SLC24A3: variants seen among roughly 807,000 people sequenced by gnomAD.
SLC24A3 encodes the protein solute carrier family 24 member 3, also known as sodium/potassium/calcium exchanger 3.
A neutral mutation model predicts 75.8 loss-of-function variants in SLC24A3; 28 were observed. That is an observed-to-expected ratio of 0.37 (90% confidence interval 0.27 to 0.51). The LOEUF is 0.51. SLC24A3 is among the 20% of genes least tolerant of loss of function. The pLI, the probability that SLC24A3 is intolerant of heterozygous loss-of-function variation, is 0.94. For missense variants in SLC24A3, 663 were observed against 847.8 expected (o/e 0.78, Z 2.71); for synonymous variants, 372 against 334.1 (o/e 1.11, Z -1.24).
chr20:19,489,293 T>C (rs1988173010), intron 2 of SLC24A3, among the ~76,000 whole-genome samples: 1 of 152,190 alleles, frequency 6.6e-6, no homozygotes, highest in South Asian at 2.1e-4. Flanking sequence ...ATATTCTCAG[T>C]GTATGTGGGT....
chr20:19,612,090 C>A (rs1245510901), intron 6 of SLC24A3, among the ~76,000 whole-genome samples: 1 of 152,160 alleles, frequency 6.6e-6, no homozygotes, highest in South Asian at 2.1e-4. Context: ...GCTAGCCACC[C>A]GTCCCTAGTT....
intron 2 of SLC24A3, among the ~76,000 whole-genome samples, chr20:19,494,979 C>A (rs187309474): frequency 7.4e-4 from 113 of 152,242 alleles, no homozygotes; most frequent in African/African-American, 2.5e-3. Flanking sequence ...GGAAAGGAGG[C>A]AACAAAGGAG....
chr20:19,334,972 C>T (rs1267352893), intron 2 of SLC24A3, among the ~76,000 whole-genome samples: 5 of 152,280 alleles, frequency 3.3e-5, no homozygotes, highest in African/African-American at 1.2e-4. Context: ...GAGATAGGCA[C>T]AGAGCACTGC....
intron 6 of SLC24A3, among the ~76,000 whole-genome samples, chr20:19,599,698 G>A (rs1464431505): frequency 6.6e-6 from 1 of 152,106 alleles, no homozygotes; most frequent in Non-Finnish European, 1.5e-5. Flanking sequence ...ATGTGGTGTG[G>A]GACTAAATGG....
At chr20:19,577,257 A>G (rs2031151619) in intron 3 of SLC24A3, among the ~76,000 whole-genome samples, 1 of 152,046 alleles carries the variant, frequency 6.6e-6, no homozygotes, top group Admixed American at 6.6e-5. Context: ...GGGTTTCACC[A>G]TGTTAGCCAG....
intron 4 of SLC24A3, among the ~76,000 whole-genome samples, chr20:19,584,730 C>G (rs1203977120): frequency 6.6e-6 from 1 of 152,208 alleles, no homozygotes; most frequent in African/African-American, 2.4e-5. Context: ...CCAAACCTGT[C>G]CCTTAAGGAG....
chr20:19,553,415 T>C lies in SLC24A3; in HGVS notation c.349-26585T>C, dbSNP rs115780191. 3.6e-3 allele frequency among the ~76,000 whole-genome samples: 555 copies of C among 152,162 alleles called. 4 individuals carry two copies. Among genetic ancestry groups the C allele is most frequent in the East Asian group, 0.021 (106 of 5,166 alleles). On this transcript the variant is annotated intron_variant, in intron 3 of 16. Coordinates refer to ENST00000328041, the MANE Select transcript of SLC24A3 (RefSeq NM_020689.4). ...GAAGTAAGGTGACTTTCATGGTGAG[T>C]GGGATACACTCAATTCAGAAAATGA...
chr20:19,532,709 C>T (rs937274109), intron 3 of SLC24A3, among the ~76,000 whole-genome samples: 4 of 152,208 alleles, frequency 2.6e-5, no homozygotes, highest in African/African-American at 7.2e-5. Context: ...ACACTGTGCT[C>T]GGTGTTCCAC....
chr20:19,315,044 C>T (rs564092513), intron 2 of SLC24A3, among the ~76,000 whole-genome samples: 6 of 152,286 alleles, frequency 3.9e-5, no homozygotes, highest in African/African-American at 1.2e-4. Flanking sequence ...AGTGTGCTGG[C>T]AATCAGGTCA....
intron 2 of SLC24A3, among the ~76,000 whole-genome samples, chr20:19,366,161 TG>T (rs1985887669): frequency 6.7e-6 from 1 of 149,450 alleles, no homozygotes; most frequent in Admixed American, 6.7e-5. Flanking sequence ...TAGGGGAGGG[TG>T]GGGGTGGAGT....
chr20:19,505,830 TCAGGGAAAGAGATGAAGGTGC>T (rs1369758755), intron 2 of SLC24A3, among the ~76,000 whole-genome samples: 1 of 152,150 alleles, frequency 6.6e-6, no homozygotes, highest in Non-Finnish European at 1.5e-5. Context: ...GAGAAAGCCT[TCAGGGAAAGAGATGAAGGTGC>T]TTAGTACAAA....
chr20:19,379,994 T>C (rs574969101), intron 2 of SLC24A3, among the ~76,000 whole-genome samples: 1 of 152,336 alleles, frequency 6.6e-6, no homozygotes, highest in East Asian at 1.9e-4. Context: ...ATACCCTACT[T>C]GGTGCTTGGG....
Position 19,685,359 on chromosome 20 carries a change from C to A in SLC24A3, c.1322C>A (p.Pro441His). Reference protein sequence around the residue: ...DEGPYTPFDTPSGKLETVKWA... With the variant: ...DEGPYTPFDTHSGKLETVKWA... Reference sequence around the variant, plus strand: ...GGACCGTACACACCATTCGACACCCCCTGTAAGAGGTTCTATGTCTGGGCT... The same window carrying A: ...GGACCGTACACACCATTCGACACCCACTGTAAGAGGTTCTATGTCTGGGCT... Residue 441 changes from proline (P) to histidine (H), a missense_variant and splice_region_variant, in exon 12 of 17, where the codon CCC becomes CAC. Physicochemically the swap from Pro to His is moderately conservative, Grantham distance 77. Coordinates refer to ENST00000328041, the MANE Select transcript of SLC24A3 (RefSeq NM_020689.4). 1.2e-6 allele frequency: 2 copies of A among 1,613,040 alleles called. No individual in the cohort carries two copies. Among genetic ancestry groups the A allele is most frequent in the South Asian group, 2.2e-5 (2 of 90,950 alleles).
chr20:19,375,426 TTTC>T (rs1410066712), intron 2 of SLC24A3, among the ~76,000 whole-genome samples: 3 of 152,164 alleles, frequency 2.0e-5, no homozygotes, highest in Non-Finnish European at 4.4e-5. Context: ...CAGCACTGTG[TTTC>T]TTATCATAAA....
At chr20:19,634,061 G>A (rs1016905968) in intron 6 of SLC24A3, among the ~76,000 whole-genome samples, 1 of 152,064 alleles carries the variant, frequency 6.6e-6, no homozygotes, top group African/African-American at 2.4e-5. Context: ...TTCTTTTCAA[G>A]TTCCCTACTC....
intron 6 of SLC24A3, among the ~76,000 whole-genome samples, chr20:19,624,399 G>A (rs2031842143): frequency 6.6e-6 from 1 of 152,208 alleles, no homozygotes; most frequent in African/African-American, 2.4e-5. Context: ...TTGTATGTAT[G>A]AGACAGCTAT....
At chr20:19,600,887 C>T (rs2031518794) in intron 6 of SLC24A3, among the ~76,000 whole-genome samples, 1 of 152,132 alleles carries the variant, frequency 6.6e-6, no homozygotes, top group African/African-American at 2.4e-5. Flanking sequence ...TCTCAAACTC[C>T]TGGCCTCAAG....
chr20:19,277,119 A>G (rs920935313), intron 1 of SLC24A3, among the ~76,000 whole-genome samples: 3 of 152,232 alleles, frequency 2.0e-5, no homozygotes, highest in African/African-American at 4.8e-5. Flanking sequence ...ATTTCATCCT[A>G]TCCCAGGATC....
chr20:19,626,311 A>G (rs746280221), intron 6 of SLC24A3, among the ~76,000 whole-genome samples: 45 of 152,274 alleles, frequency 3.0e-4, no homozygotes, highest in Middle Eastern at 6.8e-3. Flanking sequence ...TACCTTTTCT[A>G]TGTTCCAGGA....
Sources: allele counts gnomAD v4.1 joint callset (sites outside exome capture counted in the v4.1 genomes callset), GRCh38; gene constraint gnomAD v4.1.1; transcripts MANE v1.5; gene names NCBI Gene and HGNC (gene_info 2026-07-23, HGNC 2026-07-21).